The following FGF5 variants were observed in gnomAD, a reference collection of about 807,000 sequenced individuals.
The protein encoded by FGF5 is heparin-binding growth factor 5.
Under a neutral mutation model 21.8 loss-of-function variants are expected in FGF5, and 23 were observed. The ratio of observed to expected loss-of-function variants is 1.05; its 90% CI spans 0.76 to 1.49. FGF5 has a LOEUF of 1.49. FGF5 is among the 40% of genes most tolerant of loss of function. FGF5 has a pLI of 0.00. For synonymous variants in FGF5, 158 were observed against 124.0 expected (o/e 1.27, Z -1.82); for missense variants, 352 against 332.9 (o/e 1.06, Z -0.45).
At chr4:80,269,569 C>T (rs1720210182) in intron 1 of FGF5, among the ~76,000 whole-genome samples, 1 of 152,138 alleles carries the variant, frequency 6.6e-6, no homozygotes, top group Non-Finnish European at 1.5e-5. Flanking sequence ...AAGATATCTA[C>T]AAGAGAACAG....
Position 80,288,905 on chromosome 4 carries a change from T to A in FGF5, c.*2233T>A, listed in dbSNP as rs1214843637. On this transcript the variant is annotated 3_prime_UTR_variant, in exon 3 of 3. Transcript: ENST00000312465. ...AAATATATATTATGCAAGTCAGGAA[T>A]CATTAATTTCAAAATTTAAAGCCAT... The A allele has an allele frequency of 6.6e-6, 1 of 152,488 alleles. No individual in the cohort carries two copies. Among genetic ancestry groups the A allele is most frequent in the East Asian group, 1.9e-4 (1 of 5,202 alleles). The allele number at this position is 152,488 out of a possible 1,614,324, so 9.4% of individuals were successfully genotyped here. A position where few individuals can be genotyped will look rare whatever the true frequency, so the allele number is the denominator to read the frequency against.
intron 2 of FGF5, among the ~76,000 whole-genome samples, chr4:80,280,326 G>A (rs1720517699): frequency 6.6e-6 from 1 of 152,192 alleles, no homozygotes; most frequent in Non-Finnish European, 1.5e-5. Context: ...CTATTTTATT[G>A]AGGAAATCTG....
rs1720814364 is a variant in FGF5 at position 80,288,782 on chromosome 4, T to A, written c.*2110T>A. 6.6e-6 allele frequency: 1 copy of A among 152,600 alleles called. No individual in the cohort carries two copies. Among genetic ancestry groups the A allele is most frequent in the African/African-American group, 2.4e-5 (1 of 41,452 alleles). The allele number at this position is 152,600 out of a possible 1,614,324, so 9.5% of individuals were successfully genotyped here. A position where few individuals can be genotyped will look rare whatever the true frequency, so the allele number is the denominator to read the frequency against. The stretch of plus-strand genomic sequence containing the variant: ...CAATGCATAAGTTGTATAGGCTAAA[T>A]GTTGCTTGTAGGCTACATTAAACTC... On this transcript the variant is annotated 3_prime_UTR_variant, in exon 3 of 3. Transcript: ENST00000312465.
chr4:80,285,470 T>G (rs1188354400), intron 2 of FGF5, among the ~76,000 whole-genome samples: 1 of 152,176 alleles, frequency 6.6e-6, no homozygotes, highest in African/African-American at 2.4e-5. Flanking sequence ...ATGTCACCTT[T>G]TATAGGAAGA....
chr4:80,277,652 A>C (rs1720450749), intron 2 of FGF5, among the ~76,000 whole-genome samples: 2 of 152,064 alleles, frequency 1.3e-5, no homozygotes, highest in South Asian at 2.1e-4. Context: ...CATCATCCCC[A>C]AAAAAGGTTA....
rs1014146456 is a variant in FGF5, at chr4:80,288,530, T to C, written c.*1858T>C. 2.0e-5 allele frequency: 3 copies of C among 152,148 alleles called. No individual in the cohort carries two copies. Among genetic ancestry groups the C allele is most frequent in the Admixed American group, 1.3e-4 (2 of 15,262 alleles). The allele number at this position is 152,148 out of a possible 1,614,324, so 9.4% of individuals were successfully genotyped here. ...TTCTGGGTTAAATGAAACAATGAAA[T>C]TTTTTAGTATGTTCAACTCTCATCC... is the stretch of plus-strand genomic sequence containing the variant. On this transcript the variant is annotated 3_prime_UTR_variant, in exon 3 of 3. Coordinates refer to ENST00000312465, the MANE Select transcript of FGF5 (RefSeq NM_004464.4).
chr4:80,277,173 T>C lies in FGF5; in HGVS notation c.459+2161T>C, dbSNP rs35204588. ...GTCTAAGGATGGCTGGTTGAAATAA[T>C]GCAGATAATGCAAAAACAGCATCTG... On this transcript the variant is annotated intron_variant, in intron 2 of 2. Coordinates refer to ENST00000312465, the MANE Select transcript of FGF5 (RefSeq NM_004464.4). Among the ~76,000 whole-genome samples, 126 of 152,278 alleles carry C rather than the reference T, an allele frequency of 8.3e-4. 1 individual carries two copies. The highest frequency in any genetic ancestry group is 3.0e-3 in the African/African-American group (123 of 41,566).
intron 2 of FGF5, among the ~76,000 whole-genome samples, chr4:80,281,043 G>C (rs770801117): frequency 6.6e-6 from 1 of 152,030 alleles, no homozygotes; most frequent in Non-Finnish European, 1.5e-5. Flanking sequence ...TATTTTGTTG[G>C]TTGCTCAGTA....
rs1046299459 is a variant in FGF5 at position 80,290,261 on chromosome 4, A to C, written c.*3589A>C. On this transcript the variant is annotated 3_prime_UTR_variant, in exon 3 of 3. Transcript: ENST00000312465. ...TTAATTGCTACATCTAAATTCTGAT[A>C]ATTTAAAATCCATTTTAGGTGATAA... The C allele has an allele frequency of 6.6e-6, 1 of 152,218 alleles. No individual in the cohort carries two copies. Among genetic ancestry groups the C allele is most frequent in the African/African-American group, 2.4e-5 (1 of 41,474 alleles). 9.4% of individuals were successfully genotyped at this position (152,218 alleles called of 1,614,324 possible).
rs981977322 is a variant in FGF5, at chr4:80,290,616, C to A, written c.*3944C>A. On this transcript the variant is annotated 3_prime_UTR_variant, in exon 3 of 3. Coordinates refer to ENST00000312465, the MANE Select transcript of FGF5 (RefSeq NM_004464.4). ...TGTCTGTCACACATGCACACATGTG[C>A]CATGCTGGTGTGCTGCACCCACCAA... 1 of 152,062 alleles carries A rather than the reference C, an allele frequency of 6.6e-6. No individual in the cohort carries two copies. Among genetic ancestry groups the A allele is most frequent in the Non-Finnish European group, 1.5e-5 (1 of 68,032 alleles). 9.4% of individuals were successfully genotyped at this position (152,062 alleles called of 1,614,324 possible). A position where few individuals can be genotyped will look rare whatever the true frequency, so the allele number is the denominator to read the frequency against.
chr4:80,281,084 T>A (rs1273298463), intron 2 of FGF5, among the ~76,000 whole-genome samples: 1 of 152,042 alleles, frequency 6.6e-6, no homozygotes, highest in Non-Finnish European at 1.5e-5. Context: ...GGAACGAATG[T>A]CCAGTACCAA....
rs532840231 is a variant in FGF5, at chr4:80,279,793, C to T, written c.459+4781C>T. On this transcript the variant is annotated intron_variant, in intron 2 of 2. Transcript: ENST00000312465. ...AACATGTTACCTTATTTTAAAGATC[C>T]AGAGAGAAGCATGTGGTGGAATTAT... is the stretch of plus-strand genomic sequence containing the variant. Among the ~76,000 whole-genome samples, 4 of 152,220 alleles carry T rather than the reference C, an allele frequency of 2.6e-5. No homozygotes were observed. In the East Asian group the frequency reaches 7.7e-4, roughly 29 times the overall value.
rs74868269 is a variant in FGF5, at chr4:80,279,200, C to G, written c.459+4188C>G. The stretch of plus-strand genomic sequence containing the variant: ...TGAATCCTACTCTACCACTTCCTAA[C>G]TGTGTCATTTTACTTCATCTTTCTA... On this transcript the variant is annotated intron_variant, in intron 2 of 2. Coordinates refer to ENST00000312465, the MANE Select transcript of FGF5 (RefSeq NM_004464.4). 2.9e-3 allele frequency among the ~76,000 whole-genome samples: 438 copies of G among 152,294 alleles called. 2 individuals carry two copies. The highest frequency in any genetic ancestry group is 0.01 in the African/African-American group (422 of 41,568).
At position 80,267,191 on chromosome 4, in the gene FGF5, G is replaced by C. The variant is rs1381088910; in HGVS notation, c.355+12G>C. 3 of 1,579,690 alleles carry C rather than the reference G, an allele frequency of 1.9e-6. No individual in the cohort carries two copies. In the East Asian group the frequency reaches 6.7e-5, roughly 35 times the overall value. On this transcript the variant is annotated intron_variant, in intron 1 of 2. Coordinates refer to ENST00000312465, the MANE Select transcript of FGF5 (RefSeq NM_004464.4). ...AGCCAATATGTTAAGTAAGTTACTCGCTCTCCTACAAAACCCGTCCTAGGC... is the reference window on the plus strand; with the variant it reads ...AGCCAATATGTTAAGTAAGTTACTCCCTCTCCTACAAAACCCGTCCTAGGC...
chr4:80,276,209 A>G (rs1184710263), intron 2 of FGF5, among the ~76,000 whole-genome samples: 1 of 152,016 alleles, frequency 6.6e-6, no homozygotes, highest in South Asian at 2.1e-4. Flanking sequence ...TAAGTGCTCA[A>G]TAAATATTGC....
chr4:80,284,969 C>T (rs981553159), intron 2 of FGF5, among the ~76,000 whole-genome samples: 1 of 152,080 alleles, frequency 6.6e-6, no homozygotes, highest in Non-Finnish European at 1.5e-5. Flanking sequence ...AAATAGTACT[C>T]CTTGAAATTA....
chr4:80,276,695 T>C (rs528451185), intron 2 of FGF5, among the ~76,000 whole-genome samples: 9 of 150,876 alleles, frequency 6.0e-5, no homozygotes, highest in Non-Finnish European at 1.3e-4. Context: ...TCTCAGGGCA[T>C]TTAATTTTAT....
Position 80,287,408 on chromosome 4 carries a change from T to G in FGF5, c.*736T>G, listed in dbSNP as rs1174073399. 1 of 152,144 alleles carries G rather than the reference T, an allele frequency of 6.6e-6. No homozygotes were observed. The highest frequency in any genetic ancestry group is 1.5e-5 in the Non-Finnish European group (1 of 68,004). The allele number at this position is 152,144 out of a possible 1,614,324, so 9.4% of individuals were successfully genotyped here. ...TGACATTATGTGGAATCCTAAACCTTTGGTGGCTGGGATATGATGGGTTAG... is the reference window on the plus strand; with the variant it reads ...TGACATTATGTGGAATCCTAAACCTGTGGTGGCTGGGATATGATGGGTTAG... On this transcript the variant is annotated 3_prime_UTR_variant, in exon 3 of 3. Coordinates refer to ENST00000312465, the MANE Select transcript of FGF5 (RefSeq NM_004464.4).
At chr4:80,270,560 T>C (rs1288217403) in intron 1 of FGF5, among the ~76,000 whole-genome samples, 2 of 152,138 alleles carry the variant, frequency 1.3e-5, no homozygotes, top group East Asian at 3.9e-4. Context: ...TAAATCCTTA[T>C]TATGAGGAAA....
Sources: allele counts gnomAD v4.1 joint callset (sites outside exome capture counted in the v4.1 genomes callset), GRCh38; gene constraint gnomAD v4.1.1; transcripts MANE v1.5; gene names NCBI Gene and HGNC (gene_info 2026-07-23, HGNC 2026-07-21).